The following TEX9 variants were observed in gnomAD, a reference collection of about 807,000 sequenced individuals.
TEX9 encodes the protein testis expressed 9.
In TEX9, 74 loss-of-function variants were observed where a neutral mutation model predicts 59.6. The observed-to-expected ratio is 1.24, with a 90% CI of 1.03 to 1.51. The LOEUF (loss-of-function observed/expected upper bound fraction) is 1.51, where lower values mean the gene tolerates loss of function less well. TEX9 is among the 40% of genes most tolerant of loss of function. The pLI is 0.00. For missense variants in TEX9, 522 were observed against 447.8 expected (o/e 1.17, Z -1.49); for synonymous variants, 186 against 152.2 (o/e 1.22, Z -1.64).
intron 1 of TEX9, among the ~76,000 whole-genome samples, chr15:56,351,054 A>G (rs373802827): frequency 6.0e-4 from 91 of 152,294 alleles, no homozygotes; most frequent in Middle Eastern, 6.8e-3. Context: ...AACCCCAGAA[A>G]CTTAAGATAC....
intron 1 of TEX9, among the ~76,000 whole-genome samples, chr15:56,263,174 C>T (rs2044306454): frequency 6.6e-6 from 1 of 152,124 alleles, no homozygotes; most frequent in South Asian, 2.1e-4. Context: ...CAGTCATTTG[C>T]CACCATGCCC....
intron 12 of TEX9, chr15:56,434,132 T>C (rs1393997124): frequency 6.2e-7 from 1 of 1,604,360 alleles, no homozygotes; most frequent in Non-Finnish European, 8.5e-7. Flanking sequence ...CACAACTTTT[T>C]CTTACTTTGT....
chr15:56,365,918 C>T (rs1213848827), intron 2 of TEX9: 9 of 1,323,172 alleles, frequency 6.8e-6, no homozygotes, highest in Admixed American at 3.5e-5. Context: ...TAATTTAAAA[C>T]GTAGCCCAAG....
intron 1 of TEX9, among the ~76,000 whole-genome samples, chr15:56,292,922 C>G (rs1305075725): frequency 6.6e-6 from 1 of 152,198 alleles, no homozygotes; most frequent in African/African-American, 2.4e-5. Context: ...TAGCTTCTTT[C>G]CCTATGCTAT....
At chr15:56,349,296 C>T (rs1360110379) in intron 1 of TEX9, among the ~76,000 whole-genome samples, 2 of 152,122 alleles carry the variant, frequency 1.3e-5, no homozygotes, top group East Asian at 3.9e-4. Context: ...TAAGACTCAA[C>T]CTGCAAAATT....
chr15:56,434,050 A>C, intron 12 of TEX9: 2 of 1,380,438 alleles, frequency 1.4e-6, no homozygotes, highest in Admixed American at 4.4e-5. Flanking sequence ...CTGGCATATA[A>C]AGCTTCTCAG....
chr15:56,460,009 A>ATATATATAT, the TEX9 span, among the ~76,000 whole-genome samples: 5 of 26,388 alleles, frequency 1.9e-4, no homozygotes, highest in African/African-American at 6.0e-4. Flanking sequence ...AAAAAAAAAA[A>ATATATATAT]ATACATATAT....
At chr15:56,304,145 G>A (rs2045423358) in intron 1 of TEX9, among the ~76,000 whole-genome samples, 3 of 152,126 alleles carry the variant, frequency 2.0e-5, no homozygotes, top group South Asian at 4.1e-4. Flanking sequence ...CTCATTCTAC[G>A]AGGCCAGTAT....
chr15:56,313,096 G>C (rs554996119), intron 1 of TEX9, among the ~76,000 whole-genome samples: 5,921 of 149,952 alleles, frequency 0.039, 142 homozygotes, highest in Admixed American at 0.075. Context: ...TGCAAACAGG[G>C]ACAATTTGAC....
intron 1 of TEX9, among the ~76,000 whole-genome samples, chr15:56,296,041 G>T (rs1251127824): frequency 6.6e-6 from 1 of 152,130 alleles, no homozygotes; most frequent in Non-Finnish European, 1.5e-5. Flanking sequence ...CGGTGAATTT[G>T]CCATTTGAAT....
At chr15:56,297,282 G>A (rs567275732) in intron 1 of TEX9, among the ~76,000 whole-genome samples, 4 of 152,218 alleles carry the variant, frequency 2.6e-5, no homozygotes, top group Non-Finnish European at 4.4e-5. Context: ...TTAAAAAATA[G>A]GGCGTCTCTT....
chr15:56,266,604 G>A (rs1354858097), intron 1 of TEX9, among the ~76,000 whole-genome samples: 3 of 151,018 alleles, frequency 2.0e-5, no homozygotes, highest in Non-Finnish European at 2.9e-5. Flanking sequence ...GTGATACTTT[G>A]CTCAGAATGA....
At chr15:56,339,099 C>T (rs2046314767) in intron 1 of TEX9, among the ~76,000 whole-genome samples, 1 of 151,346 alleles carries the variant, frequency 6.6e-6, no homozygotes, top group Non-Finnish European at 1.5e-5. Context: ...TAGGAGAATA[C>T]AGGCCTGGTG....
chr15:56,273,430 C>G (rs1250805482), intron 1 of TEX9, among the ~76,000 whole-genome samples: 3 of 152,166 alleles, frequency 2.0e-5, no homozygotes, highest in African/African-American at 7.2e-5. Flanking sequence ...TCCAATTCCT[C>G]CCTCCAATCT....
chr15:56,428,436 A>T (rs2050433797), exon 12 of TEX9: 3 of 1,610,338 alleles, frequency 1.9e-6, no homozygotes, highest in South Asian at 2.2e-5. Context: ...TGAATGGGGA[A>T]ATTCATAAGT....
intron 2 of TEX9, among the ~76,000 whole-genome samples, chr15:56,370,704 T>C (rs992935448): frequency 6.6e-6 from 1 of 152,218 alleles, no homozygotes; most frequent in Non-Finnish European, 1.5e-5. Flanking sequence ...GATTTGGTAG[T>C]TTAGGGAGTA....
At chr15:56,390,270 C>T (rs2048145712) in intron 6 of TEX9, among the ~76,000 whole-genome samples, 1 of 151,794 alleles carries the variant, frequency 6.6e-6, no homozygotes, top group Non-Finnish European at 1.5e-5. Flanking sequence ...TTCTGAAGAT[C>T]AAGACCTACT....
chr15:56,423,905 T>G (rs2050115500), intron 10 of TEX9, among the ~76,000 whole-genome samples: 1 of 152,130 alleles, frequency 6.6e-6, no homozygotes, highest in Non-Finnish European at 1.5e-5. Flanking sequence ...TGTGTAGTCT[T>G]TTATCCCTCT....
At chr15:56,245,893 A>G (rs891181476) in intron 1 of TEX9, among the ~76,000 whole-genome samples, 40 of 152,188 alleles carry the variant, frequency 2.6e-4, no homozygotes, top group African/African-American at 9.6e-4. Flanking sequence ...TGTATGCCCT[A>G]TATCACGTTG....
Sources: gnomAD v4.1 joint callset for allele counts (sites outside exome capture counted in the v4.1 genomes callset) on GRCh38, gnomAD v4.1.1 for gene constraint, MANE v1.5 for transcripts, NCBI Gene and HGNC (gene_info 2026-07-23, HGNC 2026-07-21) for gene names.